The following DAB1 variants were observed in gnomAD, a reference collection of about 807,000 sequenced individuals.
DAB1 encodes DAB adaptor protein 1, also known as disabled homolog 1.
DAB1 carries 15 observed loss-of-function variants against 64.6 expected under a neutral mutation model. That is an observed-to-expected ratio of 0.23 (90% CI 0.16 to 0.36). The LOEUF is 0.36. Among genes scored for constraint, DAB1 ranks in the 10% least tolerant of loss-of-function variants. DAB1 has a pLI of 1.00. For synonymous variants in DAB1, 235 were observed against 251.9 expected (o/e 0.93, Z 0.64); for missense variants, 596 against 706.7 (o/e 0.84, Z 1.78).
chr1:57,254,204 C>T (rs886596226), intron 2 of DAB1, among the ~76,000 whole-genome samples: 1 of 152,218 alleles, frequency 6.6e-6, no homozygotes, highest in East Asian at 1.9e-4. Flanking sequence ...GTACAATCTC[C>T]TGGGCTGATT....
At chr1:57,296,520 C>G (rs1399789416) in intron 1 of DAB1, among the ~76,000 whole-genome samples, 1 of 152,004 alleles carries the variant, frequency 6.6e-6, no homozygotes, top group Non-Finnish European at 1.5e-5. Flanking sequence ...CCTGAAATAT[C>G]TTGTTATTCC....
chr1:57,183,096 C>T (rs183515043), intron 2 of DAB1, among the ~76,000 whole-genome samples: 347 of 151,984 alleles, frequency 2.3e-3, no homozygotes, highest in Middle Eastern at 0.017. Flanking sequence ...GGGTATTTAA[C>T]CTGAGATGAT....
intron 1 of DAB1, among the ~76,000 whole-genome samples, chr1:58,539,708 A>C (rs1436953053): frequency 6.6e-6 from 1 of 152,234 alleles, no homozygotes; most frequent in Non-Finnish European, 1.5e-5. Context: ...TATAAAATGC[A>C]CTGGACATTA....
At chr1:57,587,551 T>C (rs1050449016) in intron 7 of DAB1, among the ~76,000 whole-genome samples, 2 of 152,164 alleles carry the variant, frequency 1.3e-5, no homozygotes, top group Non-Finnish European at 2.9e-5. Context: ...GGCTTAATTC[T>C]CTCACCCCCT....
chr1:57,447,677 T>G (rs1686195489), intron 7 of DAB1, among the ~76,000 whole-genome samples: 1 of 152,184 alleles, frequency 6.6e-6, no homozygotes, highest in African/African-American at 2.4e-5. Context: ...AATGGCGCCC[T>G]AGTGCCTACA....
intron 4 of DAB1, among the ~76,000 whole-genome samples, chr1:58,250,132 T>C (rs1392042301): frequency 2.0e-5 from 3 of 152,002 alleles, no homozygotes. Context: ...CCTCGCCAGG[T>C]CCGGGCAGCG....
intron 1 of DAB1, among the ~76,000 whole-genome samples, chr1:57,324,066 A>G (rs1675953600): frequency 6.6e-6 from 1 of 152,244 alleles, no homozygotes; most frequent in African/African-American, 2.4e-5. Flanking sequence ...AACTCAGCCT[A>G]ATTCAATCAG....
intron 7 of DAB1, among the ~76,000 whole-genome samples, chr1:57,437,808 C>A (rs1281424820): frequency 6.6e-6 from 1 of 152,146 alleles, no homozygotes; most frequent in Non-Finnish European, 1.5e-5. Context: ...GTCTCTCTAT[C>A]CATGCCCCCA....
At position 58,281,265 on chromosome 1, in the gene DAB1, G is replaced by A. The variant is rs1328934601; in HGVS notation, n.309+62087C>T. Among the ~76,000 whole-genome samples the A allele has an allele frequency of 2.6e-5, 4 of 152,076 alleles. No individual in the cohort carries two copies. In the South Asian group the frequency reaches 8.3e-4, roughly 32 times the overall value. ...ATCTATTACCTTGATTTTCCTGTGG[G>A]GAGCCCCCACCCCCACCAAACTCCA... On this transcript the variant is annotated intron_variant and non_coding_transcript_variant, in intron 4 of 20. Coordinates refer to the DAB1 transcript ENST00000485760.
intron 2 of DAB1, among the ~76,000 whole-genome samples, chr1:57,150,895 C>T (rs1659601827): frequency 6.6e-6 from 1 of 152,162 alleles, no homozygotes; most frequent in Non-Finnish European, 1.5e-5. Context: ...GTGGAGTGCA[C>T]CTGCAATCCC....
intron 5 of DAB1, among the ~76,000 whole-genome samples, chr1:58,079,303 C>T (rs1649840661): frequency 6.6e-6 from 1 of 152,114 alleles, no homozygotes; most frequent in Admixed American, 6.5e-5. Context: ...CTCCACTGCA[C>T]CCTCTCCACT....
intron 7 of DAB1, among the ~76,000 whole-genome samples, chr1:57,486,418 G>A (rs545165955): frequency 6.6e-6 from 1 of 152,178 alleles, no homozygotes; most frequent in East Asian, 1.9e-4. Context: ...TCCTTTGTGG[G>A]ACCCAGAGGA....
intron 5 of DAB1, among the ~76,000 whole-genome samples, chr1:58,001,143 C>A (rs558414718): frequency 3.0e-4 from 45 of 152,004 alleles, no homozygotes; most frequent in African/African-American, 9.9e-4. Context: ...TCTCCTTGCA[C>A]CCCCAATTTT....
chr1:57,708,802 G>T (rs1557435841), intron 6 of DAB1, among the ~76,000 whole-genome samples: 1 of 152,062 alleles, frequency 6.6e-6, no homozygotes, highest in Admixed American at 6.6e-5. Context: ...TTGGGTTTGA[G>T]GGAGGGATGG....
At chr1:58,048,713 T>G in intron 5 of DAB1, 1 of 1,323,424 alleles carries the variant, frequency 7.6e-7, no homozygotes, top group Non-Finnish European at 1.1e-6. Flanking sequence ...ACTTCACCTC[T>G]TTGGCTGGAT....
intron 1 of DAB1, among the ~76,000 whole-genome samples, chr1:57,392,969 G>A (rs1190299713): frequency 2.6e-5 from 4 of 152,230 alleles, no homozygotes; most frequent in Admixed American, 1.3e-4. Context: ...TTTGGTGCCA[G>A]TCGGCCCCGG....
chr1:57,944,966 G>C (rs930178005), intron 5 of DAB1, among the ~76,000 whole-genome samples: 1 of 152,156 alleles, frequency 6.6e-6, no homozygotes, highest in Non-Finnish European at 1.5e-5. Context: ...CAGTATCCTA[G>C]TGAGATAGTG....
At chr1:57,437,776 T>G (rs1288893002) in intron 7 of DAB1, among the ~76,000 whole-genome samples, 1 of 152,234 alleles carries the variant, frequency 6.6e-6, no homozygotes, top group Non-Finnish European at 1.5e-5. Flanking sequence ...ATTTTCATTT[T>G]GGAACCGTTA....
intron 4 of DAB1, among the ~76,000 whole-genome samples, chr1:58,161,651 T>C (rs1250301935): frequency 2.6e-5 from 4 of 152,166 alleles, no homozygotes; most frequent in Non-Finnish European, 5.9e-5. Context: ...TATATGTATA[T>C]ATATAATTTC....
Sources: gnomAD v4.1 joint callset for allele counts (sites outside exome capture counted in the v4.1 genomes callset) on GRCh38, gnomAD v4.1.1 for gene constraint, MANE v1.5 for transcripts, NCBI Gene and HGNC (gene_info 2026-07-23, HGNC 2026-07-21) for gene names.